Variants in PRH1 observed in about 807,000 individuals in gnomAD.
The protein encoded by PRH1 is proline rich protein HaeIII subfamily 1.
In PRH1, 7 loss-of-function variants were observed where a neutral mutation model predicts 7.9. The ratio of observed to expected loss-of-function variants is 0.89; its 90% CI spans 0.50 to 1.67. PRH1 has a LOEUF of 1.67. PRH1 is among the 40% of genes most tolerant of loss of function. The pLI, the probability that PRH1 is intolerant of heterozygous loss-of-function variation, is 0.00. For missense variants in PRH1, 109 were observed against 223.6 expected, an observed-to-expected ratio of 0.49 and a Z score of 3.27; for synonymous variants, 45 against 80.8, an observed-to-expected ratio of 0.56 and a Z score of 2.38.
intron 2 of PRH1, chr12:10,938,255 C>A (rs1316456992): frequency 1.9e-6 from 3 of 1,572,478 alleles, no homozygotes; most frequent in African/African-American, 2.8e-5. Context: ...CTAATATATT[C>A]AAGATGATTC....
chr12:10,918,883 A>G (rs549370197), intron 2 of PRH1, among the ~76,000 whole-genome samples: 99 of 152,072 alleles, frequency 6.5e-4, no homozygotes, highest in Middle Eastern at 3.4e-3. Flanking sequence ...ATTTTTTTCT[A>G]CTGTTTATAT....
chr12:11,060,262 A>G (rs1943531246), intron 1 of PRH1, among the ~76,000 whole-genome samples: 1 of 152,084 alleles, frequency 6.6e-6, no homozygotes. Context: ...CAACAAAATT[A>G]TAACTGTAAA....
intron 1 of PRH1, among the ~76,000 whole-genome samples, chr12:10,984,031 G>C (rs538400954): frequency 2.6e-5 from 4 of 151,120 alleles, no homozygotes; most frequent in Admixed American, 6.7e-5. Context: ...ATTTAGAAAG[G>C]GTTTTAAAAT....
chr12:11,156,041 T>TA (rs1947237234), intron 1 of PRH1, among the ~76,000 whole-genome samples: 1 of 152,238 alleles, frequency 6.6e-6, no homozygotes, highest in Non-Finnish European at 1.5e-5. Context: ...TCCTTTTAGT[T>TA]ACGCACATTT....
In PRH1 at chr12:11,026,638, GTAGTCCTTTCTA is replaced by G. The variant is rs201786051; in HGVS notation, c.-126+20370_-126+20381del. On this transcript the variant is annotated intron_variant, in intron 1 of 3. Transcript: ENST00000539853. ...AAACACTTGAAAGTTACAGGGGATG[GTAGTCCTTTCTA>G]TAAGCCGATTCACTAAACCTATCTG... 9.1e-3 allele frequency among the ~76,000 whole-genome samples: 1,383 copies of G among 152,180 alleles called. 13 individuals are homozygous for G. The highest frequency in any genetic ancestry group is 0.014 in the Non-Finnish European group (954 of 68,014).
intron 1 of PRH1, among the ~76,000 whole-genome samples, chr12:11,114,463 TGGACACAGGGA>T (rs991660543): frequency 2.0e-5 from 3 of 152,052 alleles, no homozygotes; most frequent in Non-Finnish European, 4.4e-5. Context: ...TGAGAACACA[TGGACACAGGGA>T]GGACACAGGG....
At chr12:10,910,573 T>C (rs934658410) in intron 2 of PRH1, among the ~76,000 whole-genome samples, 17 of 152,188 alleles carry the variant, frequency 1.1e-4, no homozygotes, top group African/African-American at 3.9e-4. Context: ...TTTTGGACTG[T>C]GGTTGACCTT....
chr12:10,904,582 A>G (rs1286888081), intron 2 of PRH1, among the ~76,000 whole-genome samples: 1 of 152,198 alleles, frequency 6.6e-6, no homozygotes, highest in African/African-American at 2.4e-5. Flanking sequence ...ATCCTGGAAG[A>G]AAACTTAGGA....
At chr12:11,101,903 GACAA>G (rs1224812945) in intron 1 of PRH1, among the ~76,000 whole-genome samples, 9 of 151,908 alleles carry the variant, frequency 5.9e-5, no homozygotes, top group South Asian at 2.1e-4. Context: ...ACCAATAACA[GACAA>G]ACAGAGAGCC....
intron 1 of PRH1, chr12:11,078,819 T>G (rs1196295549): frequency 7.2e-5 from 11 of 152,256 alleles, no homozygotes; most frequent in African/African-American, 2.6e-4. Flanking sequence ...AAGGTTATCT[T>G]GGAAAGCCCT....
chr12:10,908,424 A>G (rs1474353407), intron 2 of PRH1: 1 of 1,613,318 alleles, frequency 6.2e-7, no homozygotes, highest in South Asian at 1.1e-5. Flanking sequence ...CACCAAAAGA[A>G]AGGCCTGTCT....
At chr12:11,156,777 G>C (rs1947262831) in intron 1 of PRH1, among the ~76,000 whole-genome samples, 1 of 150,994 alleles carries the variant, frequency 6.6e-6, no homozygotes, top group Non-Finnish European at 1.5e-5. Context: ...AAAACTTTTA[G>C]TAAACTTGAC....
chr12:10,938,194 G>T, intron 2 of PRH1: 1 of 1,128,516 alleles, frequency 8.9e-7, no homozygotes, highest in Non-Finnish European at 1.3e-6. Context: ...GAATCTTAAG[G>T]AAGTATAAAT....
intron 1 of PRH1, among the ~76,000 whole-genome samples, chr12:11,000,704 T>C (rs1297611454): frequency 1.3e-5 from 2 of 152,152 alleles, no homozygotes; most frequent in East Asian, 3.9e-4. Context: ...GATGCTCTGA[T>C]TGTAGCATCA....
intron 1 of PRH1, among the ~76,000 whole-genome samples, chr12:11,127,920 C>T (rs1452486783): frequency 6.6e-6 from 1 of 151,638 alleles, no homozygotes; most frequent in East Asian, 1.9e-4. Flanking sequence ...TCCTGGCTAA[C>T]ACGGTGAAAC....
rs1477936793 is a variant in PRH1, at chr12:11,168,270, A to G, written n.39+3152T>C. Among the ~76,000 whole-genome samples, 10 of 50,088 alleles carry G rather than the reference A, an allele frequency of 2.0e-4. 1 individual carries two copies. Among genetic ancestry groups the G allele is most frequent in the Non-Finnish European group, 3.5e-4 (7 of 19,744 alleles). 32.9% of individuals were successfully genotyped at this position (50,088 alleles called of 152,430 possible). A position where few individuals can be genotyped will look rare whatever the true frequency, so the allele number is the denominator to read the frequency against. The stretch of plus-strand genomic sequence containing the variant: ...AAAGAAAGAAAGAAAGAAAGAAAGA[A>G]AGAAAGAAAGAAAGAAAGAAAGAAA... On this transcript the variant is annotated intron_variant and non_coding_transcript_variant, in intron 1 of 1. Transcript: ENST00000541175.
Position 11,155,624 on chromosome 12 carries a change from ACTT to A in PRH1, n.39+15795_39+15797del, listed in dbSNP as rs528442689. ...TTAATATATTTTCTTCTTGTTTATG[ACTT>A]CTTTTTTTAAGCATTATGTTGATAA... On this transcript the variant is annotated intron_variant and non_coding_transcript_variant, in intron 1 of 1. Coordinates refer to the PRH1 transcript ENST00000541175. Among the ~76,000 whole-genome samples, 170 of 152,040 alleles carry A rather than the reference ACTT, an allele frequency of 1.1e-3. 1 individual carries two copies. The highest frequency in any genetic ancestry group is 1.8e-3 in the Non-Finnish European group (119 of 67,944).
intron 1 of PRH1, among the ~76,000 whole-genome samples, chr12:11,167,604 C>T (rs2136470931): frequency 6.6e-6 from 1 of 152,158 alleles, no homozygotes; most frequent in African/African-American, 2.4e-5. Flanking sequence ...GCCACCACAC[C>T]CAGCTAATTT....
At chr12:11,024,433 T>G (rs1196722650) in intron 1 of PRH1, among the ~76,000 whole-genome samples, 1 of 152,248 alleles carries the variant, frequency 6.6e-6, no homozygotes, top group Non-Finnish European at 1.5e-5. Flanking sequence ...ACATCCCTAA[T>G]TTATGATGGT....
Sources: gnomAD v4.1 joint callset for allele counts (sites outside exome capture counted in the v4.1 genomes callset) on GRCh38, gnomAD v4.1.1 for gene constraint, MANE v1.5 for transcripts, NCBI Gene and HGNC (gene_info 2026-07-23, HGNC 2026-07-21) for gene names.